The following CSNK2A2IP variants were observed in gnomAD, a reference collection of about 807,000 sequenced individuals.
CSNK2A2IP encodes the protein casein kinase 2 subunit alpha' interacting protein.
the CSNK2A2IP span, among the ~76,000 whole-genome samples, chr3:88,418,941 A>G: frequency 6.6e-6 from 1 of 152,180 alleles, no homozygotes; most frequent in African/African-American, 2.4e-5. Flanking sequence ...CTGCCGTCAG[A>G]TCAGCAGTGG....
At chr3:88,363,725 T>C in the CSNK2A2IP span, among the ~76,000 whole-genome samples, 1 of 152,210 alleles carries the variant, frequency 6.6e-6, no homozygotes, top group East Asian at 1.9e-4. Flanking sequence ...TCCTTTCTGG[T>C]TTTCCTTTTA....
At chr3:88,345,948 G>A in the CSNK2A2IP span, among the ~76,000 whole-genome samples, 1 of 151,976 alleles carries the variant, frequency 6.6e-6, no homozygotes, top group Non-Finnish European at 1.5e-5. Context: ...ACTGGAGAAT[G>A]CAAACAACAG....
chr3:88,456,134 G>A, the CSNK2A2IP span, among the ~76,000 whole-genome samples: 1 of 151,992 alleles, frequency 6.6e-6, no homozygotes, highest in Non-Finnish European at 1.5e-5. Flanking sequence ...ATCAGGAAGT[G>A]TGCTTACTCC....
At chr3:88,454,440 G>A in the CSNK2A2IP span, among the ~76,000 whole-genome samples, 40 of 151,140 alleles carry the variant, frequency 2.6e-4, no homozygotes, top group East Asian at 2.0e-4. Context: ...CAATTTATTC[G>A]TTTGTTCTTT....
chr3:88,384,363 A>C, the CSNK2A2IP span, among the ~76,000 whole-genome samples: 4 of 67,906 alleles, frequency 5.9e-5, no homozygotes, highest in African/African-American at 1.4e-4. Context: ...TCTGAAACCC[A>C]AAATTAAAAA....
At chr3:88,367,405 A>G in the CSNK2A2IP span, among the ~76,000 whole-genome samples, 1 of 152,224 alleles carries the variant, frequency 6.6e-6, no homozygotes, top group African/African-American at 2.4e-5. Flanking sequence ...AAAGCAGTAA[A>G]GATAATGCTT....
the CSNK2A2IP span, among the ~76,000 whole-genome samples, chr3:88,403,237 T>C: frequency 9.4e-4 from 143 of 152,238 alleles, no homozygotes; most frequent in African/African-American, 3.3e-3. Context: ...AAAATACCTA[T>C]AAAACTAGGC....
chr3:88,338,495 A>G, the CSNK2A2IP span: 89 of 152,240 alleles, frequency 5.8e-4, 1 homozygote, highest in African/African-American at 2.1e-3. Context: ...AGGGTAGACT[A>G]TTAAGGCTCT....
At chr3:88,372,619 G>T in the CSNK2A2IP span, among the ~76,000 whole-genome samples, 1 of 151,282 alleles carries the variant, frequency 6.6e-6, no homozygotes, top group Non-Finnish European at 1.5e-5. Flanking sequence ...GCAGAAATAA[G>T]TCCAGGCATA....
the CSNK2A2IP span, among the ~76,000 whole-genome samples, chr3:88,353,308 C>A: frequency 0.016 from 2,440 of 152,276 alleles, 60 homozygotes; most frequent in African/African-American, 0.054. Flanking sequence ...ATATAAAAAA[C>A]CAAAATTTGT....
At chr3:88,440,606 T>G in the CSNK2A2IP span, among the ~76,000 whole-genome samples, 1 of 152,198 alleles carries the variant, frequency 6.6e-6, no homozygotes, top group Admixed American at 6.5e-5. Flanking sequence ...ATAATCAACT[T>G]TAAGAGTACT....
the CSNK2A2IP span, among the ~76,000 whole-genome samples, chr3:88,404,997 A>AAT: frequency 1.8e-4 from 27 of 152,242 alleles, no homozygotes; most frequent in East Asian, 5.0e-3. Flanking sequence ...TCTTTAGGTG[A>AAT]CGTTTGATTG....
chr3:88,403,696 C>T, the CSNK2A2IP span, among the ~76,000 whole-genome samples: 1 of 152,176 alleles, frequency 6.6e-6, no homozygotes, highest in African/African-American at 2.4e-5. Context: ...GATAAAGAAG[C>T]TGTTATTTAC....
chr3:88,379,616 A>C, the CSNK2A2IP span, among the ~76,000 whole-genome samples: 5 of 152,048 alleles, frequency 3.3e-5, no homozygotes, highest in African/African-American at 1.2e-4. Context: ...TAGTCCTGTG[A>C]ATTAATATTG....
At chr3:88,457,122 A>G in the CSNK2A2IP span, among the ~76,000 whole-genome samples, 9 of 152,154 alleles carry the variant, frequency 5.9e-5, no homozygotes, top group Non-Finnish European at 1.2e-4. Flanking sequence ...CGAGGATTCA[A>G]TATAGAATAC....
At chr3:88,406,230 G>A in the CSNK2A2IP span, among the ~76,000 whole-genome samples, 1 of 152,034 alleles carries the variant, frequency 6.6e-6, no homozygotes, top group African/African-American at 2.4e-5. Context: ...CTTTGAAATT[G>A]AAATTGAAAC....
the CSNK2A2IP span, among the ~76,000 whole-genome samples, chr3:88,382,113 T>C: frequency 1.3e-5 from 2 of 152,228 alleles, no homozygotes; most frequent in Non-Finnish European, 2.9e-5. Context: ...AGTTTCTCTA[T>C]ATCCTTTTCA....
At chr3:88,466,153 C>T in the CSNK2A2IP span, 2 of 1,231,590 alleles carry the variant, frequency 1.6e-6, no homozygotes, top group Non-Finnish European at 2.0e-6. Context: ...CAAACCCAAT[C>T]AAATTGCTCT....
the CSNK2A2IP span, among the ~76,000 whole-genome samples, chr3:88,436,551 C>T: frequency 1.3e-5 from 2 of 151,924 alleles, no homozygotes; most frequent in Non-Finnish European, 2.9e-5. Flanking sequence ...GAAATTCAAA[C>T]AAAATCTAAA....
Sources: allele counts gnomAD v4.1 joint callset (sites outside exome capture counted in the v4.1 genomes callset), GRCh38; gene constraint gnomAD v4.1.1; transcripts MANE v1.5; gene names NCBI Gene and HGNC (gene_info 2026-07-23, HGNC 2026-07-21).